Variants in ROS1 observed in about 807,000 individuals in gnomAD.
ROS1 encodes the protein proto-oncogene tyrosine-protein kinase ROS.
Under a neutral mutation model 273.5 loss-of-function variants are expected in ROS1, and 263 were observed. That is an observed-to-expected ratio of 0.96 (90% CI 0.87 to 1.06). The LOEUF is 1.06. ROS1 is among the 50% of genes least tolerant of loss of function. ROS1 has a pLI of 0.00. For missense variants in ROS1, 2,833 were observed against 2,751.1 expected, an observed-to-expected ratio of 1.03 and a Z score of -0.67; for synonymous variants, 1,008 against 954.1, an observed-to-expected ratio of 1.06 and a Z score of -1.04.
intron 4 of ROS1, 88 bp from the exon 5 acceptor site, chr6:117,409,730 C>A: frequency 1.0e-6 from 1 of 969,696 alleles, no homozygotes; most frequent in Non-Finnish European, 1.7e-6. Flanking sequence ...ATCCGAATGC[C>A]TAATATGCAA....
chr6:117,344,063 A>G lies in ROS1; in HGVS notation c.4503T>C (p.Ile1501=), dbSNP rs1778169421. ...AGACCACTAGTTCCAATCTTACCAG[A>G]ATTCTATATTTCAAGTCAGAGCTGT... ...RKNSSDLKYR[I]LEFQDSIALI... Residue 1501 remains isoleucine (I), a synonymous_variant, in exon 28 of 44, where the codon ATT becomes ATC. Transcript: ENST00000368507. 1 of 1,610,168 alleles carries G rather than the reference A, an allele frequency of 6.2e-7. No homozygotes were observed. Among genetic ancestry groups the G allele is most frequent in the Non-Finnish European group, 8.5e-7 (1 of 1,176,544 alleles).
intron 43 of ROS1, among the ~76,000 whole-genome samples, 169 bp downstream of exon 43, chr6:117,300,805 A>G (rs1178216661): frequency 6.6e-6 from 1 of 152,254 alleles, no homozygotes; most frequent in Non-Finnish European, 1.5e-5. Flanking sequence ...AGTGCATAAT[A>G]CAAATAATTT....
intron 26 of ROS1, among the ~76,000 whole-genome samples, chr6:117,355,618 T>TG (rs1293178313): frequency 6.7e-6 from 1 of 150,106 alleles, no homozygotes; most frequent in East Asian, 1.9e-4. Context: ...TAATTTTAGT[T>TG]TTTTTTTTTT....
intron 13 of ROS1, 64 bp downstream of exon 13, chr6:117,389,286 A>G (rs1281228160): frequency 1.3e-6 from 2 of 1,516,342 alleles, no homozygotes; most frequent in East Asian, 4.5e-5. Flanking sequence ...CACAACGCCA[A>G]GCAGTTCAAA....
intron 43 of ROS1, among the ~76,000 whole-genome samples, chr6:117,297,159 G>A (rs1011386159): frequency 4.6e-5 from 7 of 151,998 alleles, no homozygotes; most frequent in Non-Finnish European, 1.0e-4. Flanking sequence ...TGGGGAAATT[G>A]GATATATGCA....
intron 43 of ROS1, among the ~76,000 whole-genome samples, chr6:117,289,333 T>C (rs1222499847): frequency 6.6e-6 from 1 of 152,260 alleles, no homozygotes; most frequent in Non-Finnish European, 1.5e-5. Context: ...GTTCTAGTTA[T>C]TGATGGATAT....
At chr6:117,374,349 C>A (rs1365860891) in intron 18 of ROS1, among the ~76,000 whole-genome samples, 2 of 152,092 alleles carry the variant, frequency 1.3e-5, no homozygotes, top group Admixed American at 6.5e-5. Flanking sequence ...TGATCTTCGA[C>A]AAAGCAAACA....
At chr6:117,351,315 T>A (rs944233109) in intron 27 of ROS1, among the ~76,000 whole-genome samples, 7 of 152,176 alleles carry the variant, frequency 4.6e-5, no homozygotes, top group African/African-American at 1.4e-4. Flanking sequence ...AATTAAGCTC[T>A]GATAAAACCC....
In ROS1 at chr6:117,310,279, TC is replaced by T; in HGVS notation, c.6217del (p.Asp2073IlefsTer11). 6.3e-7 allele frequency: 1 copy of T among 1,597,322 alleles called. No homozygotes were observed. ...YLERMHFIHR[D>X]LAARNCLVSV... ...AACAAGGCAATTTCTAGCTGCCAGA[TC>T]CCTGTGGCAGAAGTTATATTTAATA... On this transcript the variant is annotated frameshift_variant and splice_region_variant, in exon 41 of 44. Transcript: ENST00000368507. LOFTEE classifies it high-confidence loss of function.
chr6:117,386,121 T>C (rs764947902), intron 15 of ROS1, among the ~76,000 whole-genome samples: 15 of 152,196 alleles, frequency 9.9e-5, no homozygotes, highest in Non-Finnish European at 2.1e-4. Context: ...CTCATTTAGT[T>C]CCTAAAACAA....
At chr6:117,312,840 C>T (rs945373580) in intron 39 of ROS1, among the ~76,000 whole-genome samples, 2 of 152,078 alleles carry the variant, frequency 1.3e-5, no homozygotes, top group Non-Finnish European at 1.5e-5. Context: ...CTCAATCTAT[C>T]CCTAGTCAAA....
In ROS1 at chr6:117,353,121, C is replaced by T. The variant is rs1287692177; in HGVS notation, c.4172G>A (p.Trp1391Ter). 3.8e-5 allele frequency: 61 copies of T among 1,613,760 alleles called. No homozygotes were observed. Among genetic ancestry groups the T allele is most frequent in the Non-Finnish European group, 5.1e-5 (60 of 1,179,866 alleles). Residue 1391 changes from tryptophan (W) to a stop codon, truncating the protein, a stop_gained, in exon 27 of 44, where the codon TGG (tryptophan) becomes TAG (stop). Transcript: ENST00000368507. LOFTEE classifies it high-confidence loss of function. ...TGTGCTGTCCTTTGCTGTGATGATC[C>T]AGTATATAAGATCTCCATCCACAGT... ...SLTVDGDLIYWIITAKDSTQI... is the reference protein window; with the variant it reads ...SLTVDGDLIY
At chr6:117,424,004 A>C (rs926075515) in intron 1 of ROS1, among the ~76,000 whole-genome samples, 1 of 152,144 alleles carries the variant, frequency 6.6e-6, no homozygotes, top group African/African-American at 2.4e-5. Context: ...AACGGAAGGC[A>C]ACTCAACAAA....
rs1407914568 is a variant in ROS1, at chr6:117,388,180, C to T, written c.1787-188G>A. 7 of 867,270 alleles carry T rather than the reference C, an allele frequency of 8.1e-6. No homozygotes were observed. In the Admixed American group the frequency reaches 8.3e-5, roughly 10 times the overall value. 53.7% of individuals were successfully genotyped at this position (867,270 alleles called of 1,614,324 possible). On this transcript the variant is annotated intron_variant, in intron 13 of 43. Coordinates refer to ENST00000368507, the MANE Select transcript of ROS1 (RefSeq NM_001378902.1). ...CTAGGACAGTGTTCATTCCTCATGC[C>T]GCTCATTTGGCTGCATTGAAGGAGA... is the stretch of plus-strand genomic sequence containing the variant.
chr6:117,350,417 T>C (rs1778734039), intron 27 of ROS1, among the ~76,000 whole-genome samples: 1 of 152,104 alleles, frequency 6.6e-6, no homozygotes, highest in Non-Finnish European at 1.5e-5. Flanking sequence ...GAATTTTTTT[T>C]CTTTATCTTT....
chr6:117,343,312 A>G (rs949333047), intron 28 of ROS1, among the ~76,000 whole-genome samples: 2 of 152,210 alleles, frequency 1.3e-5, no homozygotes, highest in Non-Finnish European at 1.5e-5. Context: ...GAAAAATCAC[A>G]TACACTTTAT....
intron 33 of ROS1, chr6:117,328,622 TG>T: frequency 1.3e-5 from 6 of 473,228 alleles, no homozygotes; most frequent in South Asian, 1.2e-4. Flanking sequence ...AAGTGACTTT[TG>T]TCCTTGGAAC....
intron 32 of ROS1, among the ~76,000 whole-genome samples, chr6:117,336,495 AC>A (rs955615483): frequency 6.6e-6 from 1 of 152,166 alleles, no homozygotes; most frequent in South Asian, 2.1e-4. Flanking sequence ...CTGCAAAAAA[AC>A]ATTATCTCAT....
Position 117,360,376 on chromosome 6 carries a change from T to G in ROS1, c.3396A>C (p.Gly1132=), listed in dbSNP as rs184367407. 4.2e-5 allele frequency: 68 copies of G among 1,613,522 alleles called. No individual in the cohort carries two copies. In the Admixed American group the frequency reaches 6.0e-4, roughly 14 times the overall value. ...QVRAFTSKGP[G]PYADVVKSTT... Reference sequence around the variant, plus strand: ...TAGACTTTACAACGTCAGCATATGGTCCTGGCCCCTTAGATGTAAAGGCCC... The same window carrying G: ...TAGACTTTACAACGTCAGCATATGGGCCTGGCCCCTTAGATGTAAAGGCCC... The change falls in exon 23 of 44, where the codon GGA becomes GGC. Residue 1132 remains glycine, a synonymous_variant. Coordinates refer to ENST00000368507, the MANE Select transcript of ROS1 (RefSeq NM_001378902.1).
Sources: allele counts gnomAD v4.1 joint callset (sites outside exome capture counted in the v4.1 genomes callset), GRCh38; gene constraint gnomAD v4.1.1; transcripts MANE v1.5; gene names NCBI Gene and HGNC (gene_info 2026-07-23, HGNC 2026-07-21).